Variants in IFT122 observed in about 807,000 individuals in gnomAD.
The protein encoded by IFT122 is intraflagellar transport protein 122 homolog.
A neutral mutation model predicts 161.6 loss-of-function variants in IFT122; 118 were observed. The ratio of observed to expected loss-of-function variants is 0.73; its 90% CI spans 0.63 to 0.85. The LOEUF (loss-of-function observed/expected upper bound fraction) is 0.85. Among genes scored for constraint, IFT122 ranks in the 40% least tolerant of loss-of-function variants. The pLI, the probability that IFT122 is intolerant of heterozygous loss-of-function variation, is 0.00. For missense variants in IFT122, 1,381 were observed against 1,579.6 expected (o/e 0.87, Z 2.13); for synonymous variants, 550 against 602.4 (o/e 0.91, Z 1.27).
At chr3:129,519,225 C>G in intron 28 of IFT122, 39 bp downstream of exon 28, 1 of 1,551,234 alleles carries the variant, frequency 6.4e-7, no homozygotes, top group South Asian at 1.1e-5. Flanking sequence ...GGAGGGCAGC[C>G]TCCATCCCTT....
intron 15 of IFT122, among the ~76,000 whole-genome samples, chr3:129,486,448 C>T (rs2079294725): frequency 6.6e-6 from 1 of 152,166 alleles, no homozygotes; most frequent in Non-Finnish European, 1.5e-5. Context: ...CATAAAATAG[C>T]AAAAACCACA....
At chr3:129,517,268 G>GCGCGCGCGCGCGCGCACACA (rs1553776447) in intron 26 of IFT122, among the ~76,000 whole-genome samples, 2 of 117,004 alleles carry the variant, frequency 1.7e-5, no homozygotes, top group African/African-American at 6.5e-5. Context: ...CATTGCTCCT[G>GCGCGCGCGCGCGCGCACACA]CACACACACA....
In IFT122 at chr3:129,495,551, C is replaced by T; in HGVS notation, c.2152C>T (p.His718Tyr). The part of the protein sequence containing the change: ...EAAKLYKRSG[H>Y]ENLALEMYTD... Reference sequence around the variant, plus strand: ...CGCCAAACTGTACAAGAGGAGTGGGCACGAGAACCTCGCGCTTGAAATGTA... The same window carrying T: ...CGCCAAACTGTACAAGAGGAGTGGGTACGAGAACCTCGCGCTTGAAATGTA... Residue 718 changes from histidine to tyrosine, a missense_variant, in exon 18 of 30, where the codon CAC (histidine) becomes TAC (tyrosine). His to Tyr is a moderately conservative substitution (Grantham distance 83). Transcript: ENST00000348417. The T allele has an allele frequency of 6.2e-7, 1 of 1,614,192 alleles. No homozygotes were observed. The highest frequency in any genetic ancestry group is 8.5e-7 in the Non-Finnish European group (1 of 1,180,036).
intron 17 of IFT122, among the ~76,000 whole-genome samples, chr3:129,494,685 A>AGTGT (rs10579071): frequency 0.089 from 13,462 of 150,546 alleles, 654 homozygotes; most frequent in South Asian, 0.13. Flanking sequence ...AGCTGTGCTA[A>AGTGT]GTGTGTGTGT....
chr3:129,458,998 C>G (rs966409182), intron 4 of IFT122, among the ~76,000 whole-genome samples: 1 of 152,162 alleles, frequency 6.6e-6, no homozygotes, highest in African/African-American at 2.4e-5. Flanking sequence ...CTTATATCCA[C>G]CCAGTGTCAA....
Position 129,481,664 on chromosome 3 carries a change from T to C in IFT122, c.1623T>C (p.Tyr541=). The change falls in exon 14 of 30, where the codon TAT becomes TAC. Residue 541 remains tyrosine (Y), a synonymous_variant. Coordinates refer to ENST00000348417, the MANE Select transcript of IFT122 (RefSeq NM_052989.3). Reference sequence around the variant, plus strand: ...ATGAAAATGACACTTGCCTGGTGTATGACATCGACACCAAGGAGCTGCTTT... The same window carrying C: ...ATGAAAATGACACTTGCCTGGTGTACGACATCGACACCAAGGAGCTGCTTT... ...VVDENDTCLV[Y]DIDTKELLFQ... 6.2e-7 allele frequency: 1 copy of C among 1,614,054 alleles called. No homozygotes were observed. Among genetic ancestry groups the C allele is most frequent in the Non-Finnish European group, 8.5e-7 (1 of 1,179,916 alleles).
chr3:129,469,609 G>A (rs1362073331), intron 9 of IFT122, among the ~76,000 whole-genome samples, 192 bp downstream of exon 9: 1 of 152,164 alleles, frequency 6.6e-6, no homozygotes, highest in Non-Finnish European at 1.5e-5. Flanking sequence ...AATGAAGTGG[G>A]TACTACTTTC....
chr3:129,481,808 G>A (rs1577671908), intron 14 of IFT122, 114 bp downstream of exon 14: 2 of 1,148,222 alleles, frequency 1.7e-6, no homozygotes, highest in Non-Finnish European at 2.6e-6. Flanking sequence ...CTCTGGGAGG[G>A]GCAGGGGCCA....
rs577076331 is a variant in IFT122 at position 129,516,885 on chromosome 3, G to A, written c.3266-584G>A. Among the ~76,000 whole-genome samples the A allele has an allele frequency of 1.7e-3, 189 of 113,784 alleles. 2 individuals are homozygous for A. Among genetic ancestry groups the A allele is most frequent in the African/African-American group, 5.4e-3 (152 of 27,900 alleles). The allele number at this position is 113,784 out of a possible 152,430, so 74.6% of individuals were successfully genotyped here. A position where few individuals can be genotyped will look rare whatever the true frequency, so the allele number is the denominator to read the frequency against. ...GGCTGCCCCTGCACACACACAGACC[G>A]CTCCTGCACACAGACACACAGAGAC... On this transcript the variant is annotated intron_variant, in intron 26 of 29. Transcript: ENST00000348417.
chr3:129,494,467 G>A (rs913849145), intron 17 of IFT122, among the ~76,000 whole-genome samples: 14 of 152,180 alleles, frequency 9.2e-5, no homozygotes, highest in African/African-American at 3.1e-4. Flanking sequence ...CAGTATGGAA[G>A]CATGTTGCCT....
intron 23 of IFT122, among the ~76,000 whole-genome samples, chr3:129,510,233 C>T (rs758586391): frequency 2.6e-5 from 4 of 152,202 alleles, no homozygotes; most frequent in East Asian, 3.9e-4. Context: ...GCCTTCCCGC[C>T]GTTCTTTGAC....
chr3:129,490,970 ATG>A (rs2108436726), intron 16 of IFT122, among the ~76,000 whole-genome samples: 1 of 152,200 alleles, frequency 6.6e-6, no homozygotes, highest in Admixed American at 6.5e-5. Context: ...TTCTCCAGGC[ATG>A]TGGTTCGTAG....
intron 26 of IFT122, among the ~76,000 whole-genome samples, chr3:129,516,321 GCACA>G (rs562463599): frequency 4.3e-5 from 3 of 70,252 alleles, no homozygotes; most frequent in Non-Finnish European, 7.6e-5. Context: ...GACTGCCCCT[GCACA>G]CACACAGAGA....
At chr3:129,519,770 T>C in intron 29 of IFT122, 38 bp downstream of exon 29, 1 of 1,611,034 alleles carries the variant, frequency 6.2e-7, no homozygotes, top group South Asian at 1.1e-5. Flanking sequence ...GTGCTTCTCT[T>C]GGCCACTTTT....
chr3:129,516,356 A>ACG (rs2083611133), intron 26 of IFT122, among the ~76,000 whole-genome samples: 1 of 138,440 alleles, frequency 7.2e-6, no homozygotes, highest in African/African-American at 2.8e-5. Flanking sequence ...ACACACACAC[A>ACG]GAGACTGCCC....
At chr3:129,444,650 T>C (rs553283982) in intron 1 of IFT122, among the ~76,000 whole-genome samples, 1 of 152,068 alleles carries the variant, frequency 6.6e-6, no homozygotes, top group Non-Finnish European at 1.5e-5. Context: ...GCCTCCCGAG[T>C]AGGTGGGACT....
rs139901052 is a variant in IFT122 at position 129,485,902 on chromosome 3, T to C, written c.1851+2220T>C. On this transcript the variant is annotated intron_variant, in intron 15 of 29. Coordinates refer to ENST00000348417, the MANE Select transcript of IFT122 (RefSeq NM_052989.3). ...GTCGCCTCTGCCTCCGGCCATCCTG[T>C]GGTTTTGGCCCAGAGAGGAGGGAGA... Among the ~76,000 whole-genome samples the C allele has an allele frequency of 1.1e-4, 17 of 152,372 alleles. No homozygotes were observed. In the East Asian group the frequency reaches 3.3e-3, roughly 29 times the overall value.
intron 13 of IFT122, among the ~76,000 whole-genome samples, chr3:129,480,329 T>C (rs1387135626): frequency 1.3e-5 from 2 of 152,218 alleles, no homozygotes; most frequent in African/African-American, 4.8e-5. Flanking sequence ...TCCTAAAGAA[T>C]GCTGGGTCCT....
intron 21 of IFT122, 126 bp from the exon 22 acceptor site, chr3:129,506,283 G>A: frequency 9.4e-7 from 1 of 1,067,474 alleles, no homozygotes; most frequent in South Asian, 1.3e-5. Context: ...ACGAAGCACT[G>A]CAGATGCTCC....
Sources: gnomAD v4.1 joint callset for allele counts (sites outside exome capture counted in the v4.1 genomes callset) on GRCh38, gnomAD v4.1.1 for gene constraint, MANE v1.5 for transcripts, NCBI Gene and HGNC (gene_info 2026-07-23, HGNC 2026-07-21) for gene names.